Variants in SLC9A9 observed in about 807,000 individuals in gnomAD.
SLC9A9 encodes the protein sodium/hydrogen exchanger 9.
Under a neutral mutation model 77.8 loss-of-function variants are expected in SLC9A9, and 62 were observed. That is an observed-to-expected ratio of 0.80 (90% CI 0.65 to 0.98). The LOEUF is 0.98. Among genes scored for constraint, SLC9A9 ranks in the 50% least tolerant of loss-of-function variants. The pLI is 0.00. For missense variants in SLC9A9, 775 were observed against 774.9 expected, an observed-to-expected ratio of 1.00 and a Z score of 0.00; for synonymous variants, 320 against 283.5, an observed-to-expected ratio of 1.13 and a Z score of -1.29.
At chr3:143,594,723 G>A (rs915409150) in intron 6 of SLC9A9, among the ~76,000 whole-genome samples, 17 of 151,898 alleles carry the variant, frequency 1.1e-4, no homozygotes, top group African/African-American at 4.1e-4. Flanking sequence ...ACTTGTATCT[G>A]CACATTTTCT....
intron 14 of SLC9A9, among the ~76,000 whole-genome samples, chr3:143,330,205 G>A (rs1173658526): frequency 6.6e-6 from 1 of 152,202 alleles, no homozygotes; most frequent in Non-Finnish European, 1.5e-5. Flanking sequence ...TAGGGCAGGA[G>A]AGTAGAAGGG....
intron 6 of SLC9A9, among the ~76,000 whole-genome samples, chr3:143,615,029 T>C (rs2038081048): frequency 6.6e-6 from 1 of 152,080 alleles, no homozygotes; most frequent in South Asian, 2.1e-4. Context: ...CAGCATGGCT[T>C]CTCCAGGGGT....
At chr3:143,821,902 C>G (rs6793658) in intron 2 of SLC9A9, among the ~76,000 whole-genome samples, 128,171 of 152,162 alleles carry the variant, frequency 0.84, 55,629 homozygotes, top group Middle Eastern at 0.94. Context: ...CCAGCCTATG[C>G]GGGGGTCAGT....
chr3:143,588,952 A>G (rs1056652000), intron 6 of SLC9A9, among the ~76,000 whole-genome samples: 1 of 152,190 alleles, frequency 6.6e-6, no homozygotes, highest in African/African-American at 2.4e-5. Context: ...ATGCTGTCAT[A>G]TGCGAAATTT....
chr3:143,661,179 CAA>C (rs2038973262), intron 5 of SLC9A9, among the ~76,000 whole-genome samples: 1 of 152,134 alleles, frequency 6.6e-6, no homozygotes, highest in Non-Finnish European at 1.5e-5. Flanking sequence ...GGGAGCAAGC[CAA>C]AAGTCATAAA....
At chr3:143,597,664 T>G (rs2108684176) in intron 6 of SLC9A9, among the ~76,000 whole-genome samples, 1 of 152,332 alleles carries the variant, frequency 6.6e-6, no homozygotes, top group South Asian at 2.1e-4. Context: ...TTCAGCATGG[T>G]GTGGACCTGG....
chr3:143,422,791 T>C (rs1441382765), intron 12 of SLC9A9, among the ~76,000 whole-genome samples: 1 of 152,230 alleles, frequency 6.6e-6, no homozygotes, highest in Non-Finnish European at 1.5e-5. Flanking sequence ...GTTGTGTCAC[T>C]GTTCAAGATC....
intron 4 of SLC9A9, among the ~76,000 whole-genome samples, chr3:143,720,111 A>G (rs1934458015): frequency 6.6e-6 from 1 of 151,396 alleles, no homozygotes; most frequent in Non-Finnish European, 1.5e-5. Flanking sequence ...TTCTGATACC[A>G]CATATATAAT....
At chr3:143,608,888 C>T (rs188246642) in intron 6 of SLC9A9, among the ~76,000 whole-genome samples, 15 of 152,220 alleles carry the variant, frequency 9.9e-5, no homozygotes, top group African/African-American at 2.4e-4. Flanking sequence ...AAAGTAATAT[C>T]AATGCTGAAA....
intron 12 of SLC9A9, among the ~76,000 whole-genome samples, chr3:143,407,054 C>T (rs1272424447): frequency 1.3e-5 from 2 of 150,956 alleles, no homozygotes; most frequent in African/African-American, 4.9e-5. Context: ...AATGGTACTA[C>T]CTAGATATAA....
At chr3:143,629,325 C>G (rs1534160) in intron 6 of SLC9A9, among the ~76,000 whole-genome samples, 152,060 of 152,322 alleles carry the variant, frequency 1, 75,899 homozygotes, top group Middle Eastern at 1. Context: ...GGTTGGTGAG[C>G]AAAACAGACA....
intron 12 of SLC9A9, among the ~76,000 whole-genome samples, chr3:143,408,128 A>G (rs1380651622): frequency 6.6e-6 from 1 of 152,178 alleles, no homozygotes; most frequent in East Asian, 1.9e-4. Flanking sequence ...TCGGGGCCCA[A>G]TGTTTATGCT....
At chr3:143,316,675 CT>C (rs2031225697) in intron 14 of SLC9A9, among the ~76,000 whole-genome samples, 3 of 152,172 alleles carry the variant, frequency 2.0e-5, no homozygotes, top group Admixed American at 1.3e-4. Context: ...TGGATAAACT[CT>C]GACCTTCTGA....
intron 12 of SLC9A9, among the ~76,000 whole-genome samples, chr3:143,410,779 C>G (rs1239500143): frequency 6.6e-6 from 1 of 152,072 alleles, no homozygotes; most frequent in Non-Finnish European, 1.5e-5. Context: ...GTATTTAAGA[C>G]TGCATATTTC....
chr3:143,503,947 T>C (rs2108598937), intron 9 of SLC9A9: 1 of 373,990 alleles, frequency 2.7e-6, no homozygotes, highest in Non-Finnish European at 5.2e-6. Flanking sequence ...TAAGTGAGCC[T>C]CAGCCTTCTC....
intron 14 of SLC9A9, among the ~76,000 whole-genome samples, chr3:143,276,112 C>G (rs1194319884): frequency 6.6e-6 from 1 of 152,108 alleles, no homozygotes; most frequent in Non-Finnish European, 1.5e-5. Context: ...AGTATAGGGC[C>G]CTGTCCTAGG....
chr3:143,469,969 C>T (rs904517017), intron 11 of SLC9A9, among the ~76,000 whole-genome samples: 6 of 151,960 alleles, frequency 3.9e-5, no homozygotes, highest in Non-Finnish European at 8.8e-5. Flanking sequence ...GCATTCATAC[C>T]CAGCTGGGGA....
intron 9 of SLC9A9, among the ~76,000 whole-genome samples, chr3:143,538,822 G>A (rs2036637372): frequency 6.6e-6 from 1 of 152,188 alleles, no homozygotes; most frequent in South Asian, 2.1e-4. Flanking sequence ...CCAGATGTGA[G>A]TCTCAATGAT....
At chr3:143,429,091 T>G (rs930348498) in intron 12 of SLC9A9, among the ~76,000 whole-genome samples, 1 of 152,240 alleles carries the variant, frequency 6.6e-6, no homozygotes, top group African/African-American at 2.4e-5. Context: ...AGTGATATGG[T>G]AATTATCCTG....
Sources: gnomAD v4.1 joint callset for allele counts (sites outside exome capture counted in the v4.1 genomes callset) on GRCh38, gnomAD v4.1.1 for gene constraint, MANE v1.5 for transcripts, NCBI Gene and HGNC (gene_info 2026-07-23, HGNC 2026-07-21) for gene names.